Variants in PIK3C3 observed in about 807,000 individuals in gnomAD.
PIK3C3 encodes phosphatidylinositol 3-kinase catalytic subunit type 3.
A neutral mutation model predicts 126.1 loss-of-function variants in PIK3C3; 95 were observed. The observed-to-expected ratio is 0.75, with a 90% CI of 0.64 to 0.89. The LOEUF (loss-of-function observed/expected upper bound fraction) is 0.89, where lower values mean the gene tolerates loss of function less well. PIK3C3 is among the 40% of genes least tolerant of loss of function. PIK3C3 has a pLI of 0.00. For synonymous variants in PIK3C3, 374 were observed against 360.0 expected, an observed-to-expected ratio of 1.04 and a Z score of -0.44; for missense variants, 829 against 1,063.2, an observed-to-expected ratio of 0.78 and a Z score of 3.06.
chr18:42,011,282 T>G (rs1480259233), intron 10 of PIK3C3, among the ~76,000 whole-genome samples: 1 of 152,218 alleles, frequency 6.6e-6, no homozygotes, highest in South Asian at 2.1e-4. Flanking sequence ...TGTCTTATTC[T>G]AAAACAAGGC....
chr18:41,990,021 T>C (rs1981697269), intron 5 of PIK3C3, among the ~76,000 whole-genome samples: 1 of 152,204 alleles, frequency 6.6e-6, no homozygotes, highest in South Asian at 2.1e-4. Flanking sequence ...GTTGCACACT[T>C]TTCTTCCTTT....
At chr18:42,020,844 A>G (rs1369295464) in intron 13 of PIK3C3, 139 bp downstream of exon 13, 3 of 565,240 alleles carry the variant, frequency 5.3e-6, no homozygotes, top group Middle Eastern at 4.8e-4. Context: ...ATCTAACTGT[A>G]TTCCCTGACA....
chr18:42,080,022 T>C (rs186682031), intron 24 of PIK3C3, among the ~76,000 whole-genome samples: 75 of 151,872 alleles, frequency 4.9e-4, no homozygotes, highest in African/African-American at 1.7e-3. Context: ...TGTGTGTGTG[T>C]GTGTGTATGA....
At chr18:41,959,270 C>A (rs1286139443) in intron 2 of PIK3C3, among the ~76,000 whole-genome samples, 1 of 152,138 alleles carries the variant, frequency 6.6e-6, no homozygotes, top group Non-Finnish European at 1.5e-5. Context: ...ACAACAAAAG[C>A]AAATTCTCAA....
chr18:41,981,668 G>A (rs1021964785), intron 4 of PIK3C3, among the ~76,000 whole-genome samples: 7 of 151,722 alleles, frequency 4.6e-5, no homozygotes, highest in Non-Finnish European at 7.4e-5. Context: ...TATAAATTAC[G>A]GCATAGCTTG....
rs556788266 is a variant in PIK3C3 at position 42,082,830 on chromosome 18, G to C, written c.*1693G>C. On this transcript the variant is annotated 3_prime_UTR_variant, in exon 25 of 25. Coordinates refer to ENST00000262039, the MANE Select transcript of PIK3C3 (RefSeq NM_002647.4). ...TAACTCTGCTAACTGGAAGGCAAAA[G>C]TGTATCATCTTACTCGTCTTTATAA... 6.6e-6 allele frequency: 1 copy of C among 152,312 alleles called. No individual in the cohort carries two copies. The highest frequency in any genetic ancestry group is 2.4e-5 in the African/African-American group (1 of 41,568). 9.4% of individuals were successfully genotyped at this position (152,312 alleles called of 1,614,324 possible). A position where few individuals can be genotyped will look rare whatever the true frequency, so the allele number is the denominator to read the frequency against.
intron 4 of PIK3C3, chr18:41,971,208 T>A (rs1312894081): frequency 6.6e-6 from 1 of 152,212 alleles, no homozygotes; most frequent in African/African-American, 2.4e-5. Flanking sequence ...AGTTATCTGA[T>A]TAGGACACTT....
intron 20 of PIK3C3, 67 bp from the exon 21 acceptor site, chr18:42,049,464 A>G (rs1984696408): frequency 1.7e-6 from 2 of 1,173,586 alleles, no homozygotes; most frequent in Non-Finnish European, 2.5e-6. Flanking sequence ...AACTGCTTTT[A>G]TATTCAGTAG....
At chr18:42,032,628 A>C (rs1244512505) in intron 15 of PIK3C3, among the ~76,000 whole-genome samples, 1 of 119,384 alleles carries the variant, frequency 8.4e-6, no homozygotes. Flanking sequence ...TGGTTATTTT[A>C]TTTATTTATT....
intron 21 of PIK3C3, among the ~76,000 whole-genome samples, chr18:42,057,095 A>T (rs1182479049): frequency 7.3e-6 from 1 of 137,926 alleles, no homozygotes; most frequent in Non-Finnish European, 1.6e-5. Flanking sequence ...GATCTTAAAT[A>T]TGTACAACGT....
At chr18:42,076,105 T>TGC (rs1417924389) in intron 24 of PIK3C3, among the ~76,000 whole-genome samples, 1 of 74,694 alleles carries the variant, frequency 1.3e-5, no homozygotes, top group Non-Finnish European at 2.6e-5. Flanking sequence ...TATATATATA[T>TGC]ATATATATAT....
chr18:42,038,922 T>A, intron 18 of PIK3C3, 72 bp downstream of exon 18: 3 of 980,984 alleles, frequency 3.1e-6, no homozygotes, highest in Non-Finnish European at 4.7e-6. Context: ...TGAAAATTTT[T>A]AAGTATGTTA....
intron 19 of PIK3C3, among the ~76,000 whole-genome samples, chr18:42,042,523 T>C (rs2144476004): frequency 6.6e-6 from 1 of 152,344 alleles, no homozygotes; most frequent in African/African-American, 2.4e-5. Flanking sequence ...CCCATATTAC[T>C]CCAGGATTGT....
intron 6 of PIK3C3, 134 bp downstream of exon 6, chr18:41,990,688 A>C: frequency 1.7e-6 from 1 of 589,020 alleles, no homozygotes; most frequent in South Asian, 2.2e-5. Context: ...GCAGCTGTTT[A>C]TGTATACAGA....
intron 24 of PIK3C3, among the ~76,000 whole-genome samples, chr18:42,078,103 C>T (rs774459518): frequency 2.0e-5 from 3 of 151,892 alleles, no homozygotes; most frequent in African/African-American, 4.8e-5. Context: ...ACCGGCCGGG[C>T]GCGGTGGCTC....
chr18:42,047,170 A>C (rs1984593008), intron 20 of PIK3C3, among the ~76,000 whole-genome samples: 1 of 152,174 alleles, frequency 6.6e-6, no homozygotes, highest in Non-Finnish European at 1.5e-5. Context: ...ATAGTGACAA[A>C]AACTAACTGT....
chr18:42,029,446 G>T lies in PIK3C3; in HGVS notation c.1707+5G>T. ...AGTGGAAATCGTAAGAAAAAGGTAA[G>T]CCTATGGTGTATGCTTTTGTTCCTA... On this transcript the variant is annotated splice_donor_5th_base_variant and intron_variant, in intron 15 of 24. Coordinates refer to ENST00000262039, the MANE Select transcript of PIK3C3 (RefSeq NM_002647.4). 1 of 1,528,570 alleles carries T rather than the reference G, an allele frequency of 6.5e-7. No individual in the cohort carries two copies. The highest frequency in any genetic ancestry group is 9.1e-7 in the Non-Finnish European group (1 of 1,103,700). The allele number at this position is 1,528,570 out of a possible 1,614,324, so 94.7% of individuals were successfully genotyped here.
Position 41,957,590 on chromosome 18 carries a change from G to T in PIK3C3, c.89G>T (p.Arg30Ile), listed in dbSNP as rs780567186. Residue 30 changes from arginine to isoleucine, a missense_variant, in exon 2 of 25, where the codon AGA becomes ATA. By Grantham distance (97) the Arg-to-Ile change is moderately conservative. Coordinates refer to ENST00000262039, the MANE Select transcript of PIK3C3 (RefSeq NM_002647.4). Reference sequence around the variant, plus strand: ...TTCAGAGGAAGCTTGGAAGGGAAGAGAGAACAAAAGAGTTATAAAGCTGTC... The same window carrying T: ...TTCAGAGGAAGCTTGGAAGGGAAGATAGAACAAAAGAGTTATAAAGCTGTC... The part of the protein sequence containing the change: ...QLKIGSLEGK[R>I]EQKSYKAVLE... 2 of 1,608,490 alleles carry T rather than the reference G, an allele frequency of 1.2e-6. No homozygotes were observed. Among genetic ancestry groups the T allele is most frequent in the Non-Finnish European group, 1.7e-6 (2 of 1,178,652 alleles).
chr18:42,000,576 G>A (rs1342120237), intron 9 of PIK3C3, among the ~76,000 whole-genome samples: 1 of 151,974 alleles, frequency 6.6e-6, no homozygotes, highest in African/African-American at 2.4e-5. Flanking sequence ...CCCCACTTTT[G>A]GTACCAATTT....
Sources: allele counts gnomAD v4.1 joint callset (sites outside exome capture counted in the v4.1 genomes callset), GRCh38; gene constraint gnomAD v4.1.1; transcripts MANE v1.5; gene names NCBI Gene and HGNC (gene_info 2026-07-23, HGNC 2026-07-21).